SCNN1A: variants seen among roughly 807,000 people sequenced by gnomAD.
The protein encoded by SCNN1A is epithelial sodium channel subunit alpha.
Under a neutral mutation model 68.6 loss-of-function variants are expected in SCNN1A, and 65 were observed. The observed-to-expected ratio is 0.95, with a 90% CI of 0.78 to 1.16. SCNN1A has a LOEUF of 1.16. Ranked by LOEUF, SCNN1A falls within the 50% of genes most tolerant of loss-of-function variation. The pLI is 0.00. For missense variants in SCNN1A, 880 were observed against 865.9 expected, an observed-to-expected ratio of 1.02 and a Z score of -0.20; for synonymous variants, 357 against 353.3, an observed-to-expected ratio of 1.01 and a Z score of -0.12.
chr12:6,366,583 C>T (rs894617535), intron 2 of SCNN1A, among the ~76,000 whole-genome samples: 1 of 151,826 alleles, frequency 6.6e-6, no homozygotes, highest in African/African-American at 2.4e-5. Context: ...GGTGGATCAC[C>T]TGAGGTCAAG....
At chr12:6,369,243 G>T (rs549562033) in intron 2 of SCNN1A, among the ~76,000 whole-genome samples, 1 of 142,344 alleles carries the variant, frequency 7.0e-6, no homozygotes, top group Non-Finnish European at 1.5e-5. Flanking sequence ...CTCTGTGCCC[G>T]GCTTCCTCCT....
At chr12:6,356,012 C>T in intron 4 of SCNN1A, 132 bp from the exon 5 acceptor site, 5 of 758,384 alleles carry the variant, frequency 6.6e-6, no homozygotes, top group Non-Finnish European at 1.2e-5. Context: ...CCATTTGTTT[C>T]CTGATCACCT....
rs553867983 is a variant in SCNN1A, at chr12:6,356,116, G to C, written c.876-236C>G. On this transcript the variant is annotated intron_variant, in intron 4 of 12. Transcript: ENST00000228916. ...AGAGTCTCATCCTCATATCACAGAG[G>C]AGGAAGCTAAGGCTCAGAGAGCTCA... is the stretch of plus-strand genomic sequence containing the variant. The C allele has an allele frequency of 4.4e-4, 255 of 578,278 alleles. 9 individuals are homozygous for C. The South Asian group carries it at 4.6e-3, about 11-fold the overall frequency. 35.8% of individuals were successfully genotyped at this position (578,278 alleles called of 1,614,324 possible). A position where few individuals can be genotyped will look rare whatever the true frequency, so the allele number is the denominator to read the frequency against.
Position 6,363,711 on chromosome 12 carries a change from C to G in SCNN1A, c.417-1G>C. 1 of 1,594,434 alleles carries G rather than the reference C, an allele frequency of 6.3e-7. No individual in the cohort carries two copies. The highest frequency in any genetic ancestry group is 1.1e-5 in the South Asian group (1 of 88,494). On this transcript the variant is annotated splice_acceptor_variant, in intron 2 of 12. Transcript: ENST00000228916. LOFTEE classifies it high-confidence loss of function. ...CAGCTCCTCTTTAATTTCCGGGTAC[C>G]TGAAGGGGCGAGGGGAAGAGGGTCA...
At chr12:6,349,263 C>T (rs1948326782) in intron 9 of SCNN1A, 42 bp from the exon 10 acceptor site, 2 of 1,613,672 alleles carry the variant, frequency 1.2e-6, no homozygotes, top group East Asian at 4.5e-5. Flanking sequence ...GCAGAGCTCT[C>T]CCAAATGCTT....
intron 4 of SCNN1A, 38 bp from the exon 5 acceptor site, chr12:6,355,918 T>C: frequency 7.8e-7 from 1 of 1,283,896 alleles, no homozygotes; most frequent in Non-Finnish European, 1.1e-6. Context: ...GAGAGGAAAG[T>C]GTAGGTGGTG....
intron 2 of SCNN1A, 104 bp from the exon 3 acceptor site, chr12:6,363,814 C>T (rs2136886776): frequency 8.6e-7 from 1 of 1,159,154 alleles, no homozygotes; most frequent in Non-Finnish European, 1.2e-6. Context: ...CCGGTCCATC[C>T]CGGAGAAGCC....
At chr12:6,360,290 A>G (rs577297757) in intron 4 of SCNN1A, among the ~76,000 whole-genome samples, 1 of 152,310 alleles carries the variant, frequency 6.6e-6, no homozygotes, top group East Asian at 1.9e-4. Context: ...AAGTGCCAAG[A>G]TAAAGATGAA....
chr12:6,349,999 T>C, intron 8 of SCNN1A: 1 of 194,138 alleles, frequency 5.2e-6, no homozygotes, highest in Non-Finnish European at 1.1e-5. Flanking sequence ...GTGCTGGGAT[T>C]ACAGGTGTGA....
At chr12:6,350,264 C>T (rs898693626) in intron 8 of SCNN1A, among the ~76,000 whole-genome samples, 9 of 149,472 alleles carry the variant, frequency 6.0e-5, no homozygotes, top group African/African-American at 2.2e-4. Flanking sequence ...AACCCCGTCT[C>T]TACTAAAAAT....
Position 6,349,200 on chromosome 12 carries a change from AGAGAGCT to A in SCNN1A, c.1454_1460del (p.Gln485LeufsTer10). 2 of 1,614,108 alleles carry A rather than the reference AGAGAGCT, an allele frequency of 1.2e-6. No individual in the cohort carries two copies. Among genetic ancestry groups the A allele is most frequent in the Non-Finnish European group, 1.7e-6 (2 of 1,179,980 alleles). ...CCGAGGGCCATCGTGAGTAACCAGCAGAGAGCTGGTAGCTGGTCACGCTGGGGATGGA... is the reference window on the plus strand; with the variant it reads ...CCGAGGGCCATCGTGAGTAACCAGCAGGTAGCTGGTCACGCTGGGGATGGA... On this transcript the variant is annotated frameshift_variant, in exon 10 of 13. Coordinates refer to ENST00000228916, the MANE Select transcript of SCNN1A (RefSeq NM_001038.6). LOFTEE classifies it high-confidence loss of function.
At chr12:6,364,934 A>G (rs1243584150) in intron 2 of SCNN1A, among the ~76,000 whole-genome samples, 4 of 152,180 alleles carry the variant, frequency 2.6e-5, no homozygotes, top group Non-Finnish European at 5.9e-5. Flanking sequence ...ACTGAAAAAT[A>G]TATTGAAATC....
At chr12:6,361,943 A>AT (rs1420812037) in intron 4 of SCNN1A, 108 bp downstream of exon 4, 3 of 1,296,632 alleles carry the variant, frequency 2.3e-6, no homozygotes, top group East Asian at 2.3e-5. Context: ...TGGCACTGGC[A>AT]TTTTTTTAGT....
intron 2 of SCNN1A, among the ~76,000 whole-genome samples, chr12:6,371,962 G>C (rs1053136228): frequency 4.4e-4 from 67 of 152,058 alleles, no homozygotes; most frequent in African/African-American, 1.6e-3. Context: ...ACACCTGGCT[G>C]ATTTTTGTAT....
At position 6,349,315 on chromosome 12, in the gene SCNN1A, G is replaced by C. The variant is rs1196831368; in HGVS notation, c.1439+12C>G. ...TTCTACCCAACCTGTACCCGGGGAAGGGGACACTAACCTGCATGGCTTCCG... is the reference window on the plus strand; with the variant it reads ...TTCTACCCAACCTGTACCCGGGGAACGGGACACTAACCTGCATGGCTTCCG... On this transcript the variant is annotated intron_variant, in intron 9 of 12. Transcript: ENST00000228916. 1 of 1,613,644 alleles carries C rather than the reference G, an allele frequency of 6.2e-7. No individual in the cohort carries two copies. The highest frequency in any genetic ancestry group is 2.2e-5 in the East Asian group (1 of 44,890).
Position 6,355,390 on chromosome 12 carries a change from A to G in SCNN1A, c.1025T>C (p.Leu342Pro). 6.2e-7 allele frequency: 1 copy of G among 1,614,034 alleles called. No individual in the cohort carries two copies. Among genetic ancestry groups the G allele is most frequent in the Non-Finnish European group, 8.5e-7 (1 of 1,180,002 alleles). Residue 342 changes from leucine to proline, a missense_variant, in exon 6 of 13, where the codon CTG becomes CCG. By Grantham distance (98) the Leu-to-Pro change is moderately conservative (BLOSUM62 -3). Coordinates refer to ENST00000228916, the MANE Select transcript of SCNN1A (RefSeq NM_001038.6). Reference sequence around the variant, plus strand: ...CCGGGCCCCAGTCACTGTGGACAGCAGGGGAATGAAGTCATTCTGCTCTGC... The same window carrying G: ...CCGGGCCCCAGTCACTGTGGACAGCGGGGGAATGAAGTCATTCTGCTCTGC... The part of the protein sequence containing the change: ...LRAEQNDFIP[L>P]LSTVTGARVM...
At chr12:6,375,247 C>G in intron 1 of SCNN1A, 1 of 1,438,508 alleles carries the variant, frequency 7.0e-7, no homozygotes. Flanking sequence ...CTCCTGCTCT[C>G]CTCTTTCTGG....
chr12:6,357,001 C>T (rs186392030), intron 4 of SCNN1A, among the ~76,000 whole-genome samples: 1 of 152,204 alleles, frequency 6.6e-6, no homozygotes, highest in Non-Finnish European at 1.5e-5. Context: ...ACTAGGTGAT[C>T]CGGGATATTC....
intron 8 of SCNN1A, chr12:6,353,960 GAGAGGGAGGAAC>G (rs1948445184): frequency 5.9e-6 from 1 of 169,420 alleles, no homozygotes; most frequent in African/African-American, 2.4e-5. Context: ...CTGCAACACT[GAGAGGGAGGAAC>G]AGAGATAGAA....
Sources: gnomAD v4.1 joint callset for allele counts (sites outside exome capture counted in the v4.1 genomes callset) on GRCh38, gnomAD v4.1.1 for gene constraint, MANE v1.5 for transcripts, NCBI Gene and HGNC (gene_info 2026-07-23, HGNC 2026-07-21) for gene names.